SEPTIN7: variants seen among roughly 807,000 people sequenced by gnomAD.
SEPTIN7 encodes septin 7.
In SEPTIN7, 10 loss-of-function variants were observed where a neutral mutation model predicts 63.3. The observed-to-expected ratio is 0.16, with a 90% CI of 0.10 to 0.27. The LOEUF is 0.27. Among genes scored for constraint, SEPTIN7 ranks in the 10% least tolerant of loss-of-function variants. The pLI, the probability that SEPTIN7 is intolerant of heterozygous loss-of-function variation, is 1.00. For missense variants in SEPTIN7, 310 were observed against 521.0 expected, an observed-to-expected ratio of 0.59 and a Z score of 3.94; for synonymous variants, 131 against 165.3, an observed-to-expected ratio of 0.79 and a Z score of 1.59.
chr7:35,909,745 G>T (rs572772574), downstream of SEPTIN7, among the ~76,000 whole-genome samples: 1 of 152,292 alleles, frequency 6.6e-6, no homozygotes, highest in South Asian at 2.1e-4. Context: ...ATAAAAACAA[G>T]CAAGCTAAAA....
At chr7:35,885,365 C>T (rs1268335908) in intron 9 of SEPTIN7, among the ~76,000 whole-genome samples, 1 of 152,120 alleles carries the variant, frequency 6.6e-6, no homozygotes, top group Non-Finnish European at 1.5e-5. Context: ...TACCCCTCTA[C>T]TCCCAAGTAA....
intron 3 of SEPTIN7, among the ~76,000 whole-genome samples, chr7:35,839,657 A>G (rs570508662): frequency 2.7e-4 from 41 of 152,154 alleles, no homozygotes; most frequent in Admixed American, 1.8e-3. Flanking sequence ...GGTTCAAGCA[A>G]TTCTCTGCCT....
intron 1 of SEPTIN7, among the ~76,000 whole-genome samples, chr7:35,824,715 G>A (rs1354689095): frequency 6.6e-6 from 1 of 152,092 alleles, no homozygotes; most frequent in Non-Finnish European, 1.5e-5. Context: ...ATCTAACCTA[G>A]CATTGTCCAA....
At chr7:35,869,906 GAACC>G (rs1285553806) in intron 4 of SEPTIN7, among the ~76,000 whole-genome samples, 1 of 152,202 alleles carries the variant, frequency 6.6e-6, no homozygotes, top group Non-Finnish European at 1.5e-5. Flanking sequence ...TAATCTTAGA[GAACC>G]CTGAGTGATG....
At chr7:35,888,823 C>A (rs368759270) in intron 10 of SEPTIN7, 856 of 187,734 alleles carry the variant, frequency 4.6e-3, no homozygotes, top group African/African-American at 0.011. Context: ...GACCCTGTAT[C>A]AAAAAAAAAA....
chr7:35,844,966 G>C (rs1225672535), intron 3 of SEPTIN7, among the ~76,000 whole-genome samples: 1 of 152,120 alleles, frequency 6.6e-6, no homozygotes, highest in Non-Finnish European at 1.5e-5. Context: ...ATTGATGTGT[G>C]TAATCCCAGC....
intron 3 of SEPTIN7, among the ~76,000 whole-genome samples, chr7:35,851,621 C>G (rs1021131782): frequency 6.6e-6 from 1 of 152,060 alleles, no homozygotes; most frequent in African/African-American, 2.4e-5. Flanking sequence ...GTTGTTTCCA[C>G]AGATCTTGTG....
intron 9 of SEPTIN7, among the ~76,000 whole-genome samples, chr7:35,884,614 T>C (rs1300962356): frequency 2.0e-5 from 3 of 152,192 alleles, no homozygotes; most frequent in Admixed American, 1.3e-4. Flanking sequence ...CAGTCACTTT[T>C]ATCGGAACGT....
chr7:35,852,289 T>C (rs1785002020), intron 3 of SEPTIN7, among the ~76,000 whole-genome samples: 1 of 152,118 alleles, frequency 6.6e-6, no homozygotes, highest in Admixed American at 6.6e-5. Flanking sequence ...AAAAGTTTAT[T>C]GATGGAACTG....
Position 35,872,666 on chromosome 7 carries a change from G to C in SEPTIN7, c.277G>C (p.Val93Leu). The change falls in exon 5 of 14, where the codon GTG (valine) becomes CTG (leucine). Residue 93 changes from valine to leucine, a missense_variant and splice_region_variant. Coordinates refer to ENST00000350320, the MANE Select transcript of SEPTIN7 (RefSeq NM_001788.6). ...ACATCTGCACCAATTACTCTTACAGGTGGAACAATCCAAAGTTTTAATCAA... is the reference window on the plus strand; with the variant it reads ...ACATCTGCACCAATTACTCTTACAGCTGGAACAATCCAAAGTTTTAATCAA... Reference protein sequence around the residue: ...PSHRIKKTVQVEQSKVLIKEG... With the variant: ...PSHRIKKTVQLEQSKVLIKEG... 6.2e-7 allele frequency: 1 copy of C among 1,607,896 alleles called. No individual in the cohort carries two copies. Among genetic ancestry groups the C allele is most frequent in the South Asian group, 1.1e-5 (1 of 90,906 alleles).
At chr7:35,844,169 C>G (rs1784542053) in intron 3 of SEPTIN7, among the ~76,000 whole-genome samples, 1 of 152,112 alleles carries the variant, frequency 6.6e-6, no homozygotes, top group South Asian at 2.1e-4. Flanking sequence ...CTTCTACCCT[C>G]AAAGGAATTT....
chr7:35,833,857 A>G (rs1783951086), intron 3 of SEPTIN7, among the ~76,000 whole-genome samples: 1 of 152,044 alleles, frequency 6.6e-6, no homozygotes, highest in Non-Finnish European at 1.5e-5. Flanking sequence ...ATTGGGAGGT[A>G]GAATATTTTA....
At chr7:35,895,998 A>G (rs148609323) in intron 11 of SEPTIN7, among the ~76,000 whole-genome samples, 10,960 of 152,192 alleles carry the variant, frequency 0.072, 456 homozygotes, top group South Asian at 0.2. Flanking sequence ...TTTAGTAAAG[A>G]TGGAGTTTCA....
intron 4 of SEPTIN7, 64 bp from the exon 5 acceptor site, chr7:35,872,602 A>G: frequency 8.1e-7 from 1 of 1,241,848 alleles, no homozygotes; most frequent in Non-Finnish European, 1.2e-6. Context: ...CCCTACCATC[A>G]CCCCTTGTAG....
chr7:35,887,129 T>C (rs1427763783), intron 10 of SEPTIN7, among the ~76,000 whole-genome samples: 1 of 152,228 alleles, frequency 6.6e-6, no homozygotes, highest in Non-Finnish European at 1.5e-5. Context: ...TTCAAAAGAA[T>C]ACATATTAAT....
chr7:35,901,869 G>C (rs1482831924), intron 12 of SEPTIN7: 2 of 151,828 alleles, frequency 1.3e-5, no homozygotes, highest in Admixed American at 6.6e-5. Context: ...TTAGTAACTT[G>C]TTTGCTGTCA....
At chr7:35,872,801 AT>A (rs769221914) in intron 5 of SEPTIN7, 35 bp downstream of exon 5, 32 of 1,415,502 alleles carry the variant, frequency 2.3e-5, no homozygotes, top group Non-Finnish European at 2.9e-5. Flanking sequence ...TTTGCAGTGC[AT>A]TTGGGGTACT....
intron 6 of SEPTIN7, among the ~76,000 whole-genome samples, chr7:35,879,375 T>A (rs1356963719): frequency 6.6e-6 from 1 of 152,008 alleles, no homozygotes; most frequent in Non-Finnish European, 1.5e-5. Flanking sequence ...TCCCAGCTAC[T>A]CAGGAGGCTG....
chr7:35,876,546 G>T (rs1786483895), intron 6 of SEPTIN7, among the ~76,000 whole-genome samples: 1 of 152,062 alleles, frequency 6.6e-6, no homozygotes, highest in African/African-American at 2.4e-5. Flanking sequence ...TTCAAAAATG[G>T]ATAGGTTCAG....
Sources: gnomAD v4.1 joint callset for allele counts (sites outside exome capture counted in the v4.1 genomes callset) on GRCh38, gnomAD v4.1.1 for gene constraint, MANE v1.5 for transcripts, NCBI Gene and HGNC (gene_info 2026-07-23, HGNC 2026-07-21) for gene names.